The following FNBP1 variants were observed in gnomAD, a reference collection of about 807,000 sequenced individuals.
FNBP1 encodes formin-binding protein 1.
In FNBP1, 26 loss-of-function variants were observed where a neutral mutation model predicts 90.6. That is an observed-to-expected ratio of 0.29 (90% CI 0.21 to 0.40). FNBP1 has a LOEUF of 0.40. Ranked by LOEUF, FNBP1 falls within the 10% of genes least tolerant of loss-of-function variation. The pLI is 1.00. For synonymous variants in FNBP1, 260 were observed against 265.2 expected (o/e 0.98, Z 0.19); for missense variants, 635 against 768.0 (o/e 0.83, Z 2.05).
At chr9:130,026,546 G>C (rs1419154679) in intron 1 of FNBP1, among the ~76,000 whole-genome samples, 3 of 151,888 alleles carry the variant, frequency 2.0e-5, no homozygotes, top group African/African-American at 7.3e-5. Flanking sequence ...CAAGATTTGA[G>C]GAGTGAACAC....
intron 7 of FNBP1, among the ~76,000 whole-genome samples, chr9:129,928,601 C>T (rs2042258985): frequency 1.3e-5 from 2 of 150,126 alleles, no homozygotes; most frequent in Admixed American, 1.3e-4. Flanking sequence ...GTGAAGGTTG[C>T]AGTGAGCTGA....
upstream of FNBP1, among the ~76,000 whole-genome samples, chr9:130,044,081 C>A (rs181927045): frequency 3.3e-5 from 5 of 152,318 alleles, no homozygotes; most frequent in East Asian, 9.6e-4. Context: ...GACTCCCTCT[C>A]TATATATCCA....
At chr9:129,936,672 G>A (rs1208697817) in intron 6 of FNBP1, 5 of 152,056 alleles carry the variant, frequency 3.3e-5, no homozygotes, top group Admixed American at 3.3e-4. Flanking sequence ...TCCAGCTCCT[G>A]ATAACCACTA....
At chr9:129,917,441 T>C (rs572139261) in intron 10 of FNBP1, among the ~76,000 whole-genome samples, 27 of 152,190 alleles carry the variant, frequency 1.8e-4, no homozygotes, top group African/African-American at 6.5e-4. Context: ...CAAATGATCC[T>C]CGCACCTCAG....
chr9:129,994,573 T>C (rs2053700358), intron 2 of FNBP1, among the ~76,000 whole-genome samples: 1 of 151,842 alleles, frequency 6.6e-6, no homozygotes. Flanking sequence ...TATATTTCAA[T>C]AAAAAGTTTA....
chr9:129,929,409 CAAAAAAAAA>C (rs11290487), intron 7 of FNBP1, among the ~76,000 whole-genome samples, 149 bp downstream of exon 7: 2 of 61,214 alleles, frequency 3.3e-5, no homozygotes, highest in African/African-American at 7.0e-5. Context: ...GACTCTGTCT[CAAAAAAAAA>C]AAAAAAAAAA....
At chr9:129,930,187 A>G (rs962856186) in intron 6 of FNBP1, among the ~76,000 whole-genome samples, 5 of 152,054 alleles carry the variant, frequency 3.3e-5, no homozygotes, top group African/African-American at 1.2e-4. Flanking sequence ...CAGCCTCTCA[A>G]GTAGCTGGGA....
chr9:130,014,401 G>A (rs567110287), intron 1 of FNBP1, among the ~76,000 whole-genome samples: 5 of 151,978 alleles, frequency 3.3e-5, no homozygotes, highest in African/African-American at 1.2e-4. Flanking sequence ...ACAGGTGCAC[G>A]CCACCACGCC....
At chr9:129,907,580 G>GGTGTGTGTGTGTGT (rs55973122) in intron 12 of FNBP1, among the ~76,000 whole-genome samples, 1 of 147,108 alleles carries the variant, frequency 6.8e-6, no homozygotes, top group Non-Finnish European at 1.5e-5. Flanking sequence ...TAGGAGTGAG[G>GGTGTGTGTGTGTGT]GTGTGTGTGT....
chr9:129,943,082 A>C (rs2044572366), intron 6 of FNBP1, among the ~76,000 whole-genome samples: 1 of 152,162 alleles, frequency 6.6e-6, no homozygotes, highest in African/African-American at 2.4e-5. Context: ...AGGCAGGTCA[A>C]CGTCGGCAAC....
At chr9:129,950,857 G>A (rs967145644) in intron 6 of FNBP1, among the ~76,000 whole-genome samples, 2 of 151,628 alleles carry the variant, frequency 1.3e-5, no homozygotes, top group African/African-American at 4.8e-5. Flanking sequence ...GCAGTGGTGC[G>A]ATCACTGATC....
chr9:129,937,646 G>A (rs149485029), intron 6 of FNBP1, among the ~76,000 whole-genome samples: 67 of 151,658 alleles, frequency 4.4e-4, no homozygotes, highest in African/African-American at 1.5e-3. Context: ...CACGAGAATC[G>A]CTTGAACCCA....
At chr9:129,920,968 G>A (rs76452641) in intron 10 of FNBP1, among the ~76,000 whole-genome samples, 1,919 of 152,310 alleles carry the variant, frequency 0.013, 18 homozygotes, top group Middle Eastern at 0.024. Flanking sequence ...GTTGAGCCAA[G>A]AAGCTGCAGA....
intron 6 of FNBP1, among the ~76,000 whole-genome samples, chr9:129,946,588 C>G (rs1221685396): frequency 6.6e-6 from 1 of 152,146 alleles, no homozygotes. Flanking sequence ...AACATCGGCT[C>G]ATAAATTGAG....
chr9:129,958,323 T>C (rs951467470), intron 5 of FNBP1, among the ~76,000 whole-genome samples, 168 bp downstream of exon 5: 15 of 152,138 alleles, frequency 9.9e-5, no homozygotes, highest in African/African-American at 3.6e-4. Flanking sequence ...TCTTAGCTAC[T>C]TGGGAGGCTG....
intron 6 of FNBP1, among the ~76,000 whole-genome samples, chr9:129,930,043 G>A (rs2042499675): frequency 6.6e-6 from 1 of 151,322 alleles, no homozygotes; most frequent in South Asian, 2.1e-4. Flanking sequence ...TTTTTGAGGA[G>A]GGGATGAGAA....
intron 3 of FNBP1, among the ~76,000 whole-genome samples, chr9:129,978,868 A>T (rs1314724585): frequency 6.6e-6 from 1 of 152,216 alleles, no homozygotes; most frequent in Non-Finnish European, 1.5e-5. Flanking sequence ...TAGTCAAGAT[A>T]TAATCCAAAA....
chr9:129,953,766 C>CT (rs1418977838), intron 6 of FNBP1, among the ~76,000 whole-genome samples: 1 of 141,510 alleles, frequency 7.1e-6, no homozygotes, highest in East Asian at 2.1e-4. Flanking sequence ...AAAGAAAGAA[C>CT]TTTTTAAAAG....
At chr9:130,013,695 C>A in intron 1 of FNBP1, 1 of 456,256 alleles carries the variant, frequency 2.2e-6, no homozygotes, top group Admixed American at 2.4e-5. Flanking sequence ...CAACAACCTG[C>A]TTTGTTGTCA....
Sources: gnomAD v4.1 joint callset for allele counts (sites outside exome capture counted in the v4.1 genomes callset) on GRCh38, gnomAD v4.1.1 for gene constraint, MANE v1.5 for transcripts, NCBI Gene and HGNC (gene_info 2026-07-23, HGNC 2026-07-21) for gene names.